Variants in HIBADH observed in about 807,000 individuals in gnomAD.
HIBADH encodes the protein 3-hydroxyisobutyrate dehydrogenase, mitochondrial.
In HIBADH, 25 loss-of-function variants were observed where a neutral mutation model predicts 36.1. The observed-to-expected ratio is 0.69, with a 90% CI of 0.50 to 0.97. HIBADH has a LOEUF of 0.97. HIBADH is among the 50% of genes least tolerant of loss of function. The pLI is 0.00. For missense variants in HIBADH, 421 were observed against 418.0 expected (o/e 1.01, Z -0.06); for synonymous variants, 160 against 149.5 (o/e 1.07, Z -0.51).
At chr7:27,578,086 AAT>A (rs1784739735) in intron 4 of HIBADH, among the ~76,000 whole-genome samples, 1 of 152,220 alleles carries the variant, frequency 6.6e-6, no homozygotes, top group Non-Finnish European at 1.5e-5. Flanking sequence ...CAAATCATTA[AAT>A]AGTTTAGAGA....
chr7:27,571,174 G>A (rs1036437269), intron 4 of HIBADH, among the ~76,000 whole-genome samples: 4 of 151,136 alleles, frequency 2.6e-5, no homozygotes, highest in African/African-American at 9.7e-5. Flanking sequence ...TTCTAAATTC[G>A]GTCATTTCTG....
intron 4 of HIBADH, among the ~76,000 whole-genome samples, chr7:27,545,298 G>T (rs1387094068): frequency 6.6e-6 from 1 of 152,080 alleles, no homozygotes; most frequent in Non-Finnish European, 1.5e-5. Flanking sequence ...AATTAGCTGG[G>T]CATGGTGGCA....
chr7:27,549,561 CAT>C (rs933455503), intron 4 of HIBADH, among the ~76,000 whole-genome samples: 24 of 152,242 alleles, frequency 1.6e-4, no homozygotes, highest in African/African-American at 5.8e-4. Context: ...ACTCAGTTAA[CAT>C]ATTTTTTAAA....
Position 27,596,934 on chromosome 7 carries a change from A to C in HIBADH, c.484+32437T>G, listed in dbSNP as rs139584340. Among the ~76,000 whole-genome samples the C allele has an allele frequency of 4.0e-3, 604 of 152,330 alleles. 2 individuals carry two copies. Among genetic ancestry groups the C allele is most frequent in the Middle Eastern group, 0.02 (6 of 294 alleles). ...TGAAAAGATATATGAAATTTTAAAA[A>C]AGTAATTTGCAAAAAAATCCCATTT... On this transcript the variant is annotated intron_variant, in intron 4 of 7. Transcript: ENST00000265395.
intron 7 of HIBADH, among the ~76,000 whole-genome samples, chr7:27,528,901 C>T (rs1278848025): frequency 6.6e-6 from 1 of 152,194 alleles, no homozygotes; most frequent in Non-Finnish European, 1.5e-5. Flanking sequence ...GACAGGCTAA[C>T]CCTCTTGTTA....
Position 27,531,329 on chromosome 7 carries a change from GT to G in HIBADH, c.714del (p.Lys238AsnfsTer7). The G allele has an allele frequency of 1.2e-6, 2 of 1,612,970 alleles. No individual in the cohort carries two copies. Among genetic ancestry groups the G allele is most frequent in the South Asian group, 1.1e-5 (1 of 90,898 alleles). On this transcript the variant is annotated frameshift_variant, in exon 7 of 8. Coordinates refer to ENST00000265395, the MANE Select transcript of HIBADH (RefSeq NM_152740.4). LOFTEE classifies it high-confidence loss of function. ...CTCATATTTAGGATTTTAGCCAGTA[GT>G]TTTGGGTCAAGCCCTAACCTGTCAA... ...NLGIRLGLDP[K>X]LLAKILNMSS... is the part of the protein sequence containing the mutation.
At chr7:27,585,246 CAT>C (rs533657025) in intron 4 of HIBADH, among the ~76,000 whole-genome samples, 3 of 132,842 alleles carry the variant, frequency 2.3e-5, no homozygotes, top group Admixed American at 1.5e-4. Flanking sequence ...CACACGTGTG[CAT>C]ATATACACAC....
chr7:27,649,551 G>T lies in HIBADH; in HGVS notation c.174C>A (p.Leu58=), dbSNP rs771174108. The T allele has an allele frequency of 1.2e-6, 2 of 1,613,910 alleles. No homozygotes were observed. Among genetic ancestry groups the T allele is most frequent in the Non-Finnish European group, 1.7e-6 (2 of 1,179,872 alleles). ...TAATAAGTGGATAGCCATGTTTCAT[G>T]AGATTTTTTGCCATTGGATTCCCCA... is the stretch of plus-strand genomic sequence containing the variant. The part of the protein sequence containing the change: ...GNMGNPMAKN[L]MKHGYPLIIY... The change falls in exon 2 of 8, where the codon CTC becomes CTA. Residue 58 remains leucine, a synonymous_variant. Transcript: ENST00000265395.
chr7:27,627,739 C>T (rs1446319343), intron 4 of HIBADH, among the ~76,000 whole-genome samples: 2 of 152,062 alleles, frequency 1.3e-5, no homozygotes, highest in Non-Finnish European at 2.9e-5. Context: ...ATGTGTCAAC[C>T]AATAAATTAC....
At chr7:27,527,175 G>C (rs1307305679) in intron 7 of HIBADH, among the ~76,000 whole-genome samples, 1 of 152,144 alleles carries the variant, frequency 6.6e-6, no homozygotes, top group Non-Finnish European at 1.5e-5. Context: ...AATCAGTCTG[G>C]TTGAGGCAAG....
intron 4 of HIBADH, among the ~76,000 whole-genome samples, chr7:27,603,935 C>A (rs1029220548): frequency 6.6e-6 from 1 of 152,120 alleles, no homozygotes; most frequent in Non-Finnish European, 1.5e-5. Context: ...ACTTTCTCTC[C>A]CCTTTTCATC....
chr7:27,553,907 G>A (rs1402226122), intron 4 of HIBADH, among the ~76,000 whole-genome samples: 1 of 152,122 alleles, frequency 6.6e-6, no homozygotes, highest in Non-Finnish European at 1.5e-5. Flanking sequence ...GTAGTACAAG[G>A]GTGTGATCTT....
intron 4 of HIBADH, among the ~76,000 whole-genome samples, chr7:27,597,638 T>C (rs1003555251): frequency 1.3e-5 from 2 of 152,174 alleles, no homozygotes; most frequent in Admixed American, 6.5e-5. Context: ...CAGATACCAC[T>C]AAGACCACTT....
chr7:27,531,368 A>G lies in HIBADH; in HGVS notation c.696-20T>C. 1 of 1,591,910 alleles carries G rather than the reference A, an allele frequency of 6.3e-7. No individual in the cohort carries two copies. On this transcript the variant is annotated intron_variant, in intron 6 of 7. Transcript: ENST00000265395. ...CCTAACCTGTCAAAGGTCAAAGAAA[A>G]GAAGTGTTAAGTGTCAAAATGTACA... is the stretch of plus-strand genomic sequence containing the variant.
intron 4 of HIBADH, among the ~76,000 whole-genome samples, chr7:27,571,431 G>A (rs569866216): frequency 7.9e-5 from 12 of 152,168 alleles, no homozygotes; most frequent in African/African-American, 2.6e-4. Context: ...CTCCATGTTG[G>A]TCAGGCTGGT....
chr7:27,549,810 T>C (rs1207226095), intron 4 of HIBADH, among the ~76,000 whole-genome samples: 1 of 152,208 alleles, frequency 6.6e-6, no homozygotes, highest in African/African-American at 2.4e-5. Context: ...GCAGTTTTAT[T>C]TGATATAAGA....
intron 2 of HIBADH, 139 bp downstream of exon 2, chr7:27,649,334 T>C (rs987764659): frequency 1.8e-6 from 1 of 567,976 alleles, no homozygotes; most frequent in Non-Finnish European, 2.8e-6. Flanking sequence ...GTTGGATGAA[T>C]GATTACATAT....
At chr7:27,571,569 C>G (rs545290523) in intron 4 of HIBADH, among the ~76,000 whole-genome samples, 9 of 152,202 alleles carry the variant, frequency 5.9e-5, no homozygotes, top group African/African-American at 1.7e-4. Context: ...ATTTCATACT[C>G]TGTTTTGGAA....
At chr7:27,601,524 T>C (rs1442683616) in intron 4 of HIBADH, among the ~76,000 whole-genome samples, 1 of 152,108 alleles carries the variant, frequency 6.6e-6, no homozygotes, top group Non-Finnish European at 1.5e-5. Context: ...ATACTGAAAT[T>C]CTCATTGATA....
Sources: gnomAD v4.1 joint callset for allele counts (sites outside exome capture counted in the v4.1 genomes callset) on GRCh38, gnomAD v4.1.1 for gene constraint, MANE v1.5 for transcripts, NCBI Gene and HGNC (gene_info 2026-07-23, HGNC 2026-07-21) for gene names.